UNC13B: variants seen among roughly 807,000 people sequenced by gnomAD.
UNC13B encodes protein unc-13 homolog B.
UNC13B carries 144 observed loss-of-function variants against 211.0 expected under a neutral mutation model. That is an observed-to-expected ratio of 0.68 (90% CI 0.60 to 0.78). The LOEUF (loss-of-function observed/expected upper bound fraction) is 0.78. UNC13B is among the 30% of genes least tolerant of loss of function. UNC13B has a pLI of 0.00. For synonymous variants in UNC13B, 709 were observed against 725.8 expected, an observed-to-expected ratio of 0.98 and a Z score of 0.37; for missense variants, 1,777 against 2,002.0, an observed-to-expected ratio of 0.89 and a Z score of 2.14.
At chr9:35,352,622 C>CA in intron 11 of UNC13B, 1 of 1,232,092 alleles carries the variant, frequency 8.1e-7, no homozygotes, top group Non-Finnish European at 1.0e-6. Flanking sequence ...ACAGAGAGAG[C>CA]ACCAGGCCCC....
At chr9:35,251,026 G>A (rs573193593) in intron 6 of UNC13B, among the ~76,000 whole-genome samples, 2 of 137,650 alleles carry the variant, frequency 1.5e-5, no homozygotes, top group East Asian at 2.3e-4. Flanking sequence ...GCAGTGGCGC[G>A]ATCTCTGCTC....
intron 1 of UNC13B, among the ~76,000 whole-genome samples, chr9:35,178,504 A>G (rs566019239): frequency 2.0e-5 from 3 of 151,864 alleles, no homozygotes; most frequent in Non-Finnish European, 4.4e-5. Context: ...TCAAAAAAAA[A>G]AAGAACAAAC....
intron 7 of UNC13B, chr9:35,291,159 T>A: frequency 6.7e-7 from 1 of 1,500,120 alleles, no homozygotes; most frequent in Non-Finnish European, 9.1e-7. Flanking sequence ...ACAAAGTACA[T>A]ACTCCCTCTG....
rs1829895772 is a variant in UNC13B at position 35,305,793 on chromosome 9, C to T, written c.6389C>T (p.Ser2130Leu). ...ISFDTLSKRNSNEQDHFSDKD... is the reference protein window; with the variant it reads ...ISFDTLSKRNLNEQDHFSDKD... ...TTTGATACCCTGAGCAAGAGAAATT[C>T]AAATGAACAAGATCATTTTTCTGAC... Residue 2130 changes from serine to leucine, a missense_variant, in exon 9 of 40, where the codon TCA becomes TTA. By Grantham distance (145) the Ser-to-Leu change is moderately radical. Transcript: ENST00000635942. 5.0e-6 allele frequency: 2 copies of T among 398,830 alleles called. No individual in the cohort carries two copies. Among genetic ancestry groups the T allele is most frequent in the South Asian group, 2.5e-4 (2 of 7,854 alleles). 24.7% of individuals were successfully genotyped at this position (398,830 alleles called of 1,614,324 possible).
chr9:35,258,860 G>A (rs1827090981), intron 6 of UNC13B, 133 bp from the exon 7 acceptor site: 1 of 756,096 alleles, frequency 1.3e-6, no homozygotes, highest in Admixed American at 2.7e-5. Context: ...GGAGCAGGAT[G>A]TTCTGTTTCT....
At chr9:35,343,085 AAG>A in intron 11 of UNC13B, among the ~76,000 whole-genome samples, 1 of 152,380 alleles carries the variant, frequency 6.6e-6, no homozygotes, top group East Asian at 1.9e-4. Context: ...TGTATGAAGA[AAG>A]AGCACTAACT....
chr9:35,358,566 T>C (rs1833184907), intron 11 of UNC13B, among the ~76,000 whole-genome samples: 1 of 152,172 alleles, frequency 6.6e-6, no homozygotes, highest in South Asian at 2.1e-4. Flanking sequence ...ATCCATTTTT[T>C]TCTTGTTTTG....
intron 1 of UNC13B, among the ~76,000 whole-genome samples, chr9:35,189,003 C>T (rs570542474): frequency 5.3e-5 from 8 of 152,212 alleles, no homozygotes; most frequent in Non-Finnish European, 8.8e-5. Context: ...ATGAGAAGAC[C>T]GTATAATGCC....
At position 35,281,509 on chromosome 9, in the gene UNC13B, A is replaced by G. The variant is rs983147083; in HGVS notation, c.527-14187A>G. On this transcript the variant is annotated intron_variant, in intron 7 of 39. Transcript: ENST00000635942. The stretch of plus-strand genomic sequence containing the variant: ...ATAAGTAGTACCATTTGATAAGTGA[A>G]TGGGAACGTAAGTACTTGATATTCA... Among the ~76,000 whole-genome samples, 9 of 152,232 alleles carry G rather than the reference A, an allele frequency of 5.9e-5. No individual in the cohort carries two copies. In the East Asian group the frequency reaches 1.7e-3, roughly 29 times the overall value.
chr9:35,253,289 A>G (rs935653617), intron 6 of UNC13B, among the ~76,000 whole-genome samples: 5 of 152,128 alleles, frequency 3.3e-5, no homozygotes, highest in African/African-American at 1.2e-4. Context: ...CTACAGGCAC[A>G]CATCACCGCA....
intron 1 of UNC13B, among the ~76,000 whole-genome samples, chr9:35,219,613 T>C (rs1194146850): frequency 2.1e-5 from 3 of 140,558 alleles, no homozygotes; most frequent in Non-Finnish European, 3.0e-5. Flanking sequence ...CAAGACCCTG[T>C]GTCCAAAAAA....
chr9:35,378,538 A>G, intron 17 of UNC13B, 102 bp downstream of exon 17: 1 of 1,488,166 alleles, frequency 6.7e-7, no homozygotes, highest in Middle Eastern at 1.8e-4. Flanking sequence ...GGGCAAAGGC[A>G]GGGGAGAAAA....
chr9:35,170,904 G>A (rs1821301437), intron 1 of UNC13B, among the ~76,000 whole-genome samples: 1 of 152,046 alleles, frequency 6.6e-6, no homozygotes, highest in African/African-American at 2.4e-5. Context: ...ATCTTGCCAA[G>A]CTCAGGTGAT....
chr9:35,351,446 C>T, intron 11 of UNC13B: 5 of 1,231,270 alleles, frequency 4.1e-6, no homozygotes, highest in Non-Finnish European at 5.1e-6. Flanking sequence ...AGGCTGTTGC[C>T]TTCCAAGGTA....
intron 11 of UNC13B, among the ~76,000 whole-genome samples, chr9:35,329,164 T>C (rs7847331): frequency 0.95 from 144,751 of 152,170 alleles, 69,228 homozygotes; most frequent in East Asian, 1. Flanking sequence ...CTGAGTTTGT[T>C]CCCATTCCCA....
Position 35,376,122 on chromosome 9 carries a change from C to A in UNC13B, c.9710C>A (p.Pro3237Gln). 6.2e-7 allele frequency: 1 copy of A among 1,614,272 alleles called. No homozygotes were observed. The highest frequency in any genetic ancestry group is 8.5e-7 in the Non-Finnish European group (1 of 1,180,050). ...HNFEVWTATT[P>Q]TYCYECEGLL... ...TTTGAGGTCTGGACGGCCACTACCCCAACCTACTGCTATGAGTGTGAAGGC... is the reference window on the plus strand; with the variant it reads ...TTTGAGGTCTGGACGGCCACTACCCAAACCTACTGCTATGAGTGTGAAGGC... Residue 3237 changes from proline (P) to glutamine (Q), a missense_variant, in exon 15 of 40, where the codon CCA becomes CAA. By Grantham distance (76) the Pro-to-Gln change is moderately conservative (BLOSUM62 -1). Transcript: ENST00000635942.
chr9:35,317,533 T>C (rs1830522750), intron 11 of UNC13B, among the ~76,000 whole-genome samples: 1 of 149,210 alleles, frequency 6.7e-6, no homozygotes, highest in South Asian at 2.2e-4. Context: ...TTTTTTTTTT[T>C]TTTTTTTAAG....
At chr9:35,170,990 G>A (rs1821304670) in intron 1 of UNC13B, among the ~76,000 whole-genome samples, 1 of 151,952 alleles carries the variant, frequency 6.6e-6, no homozygotes, top group Admixed American at 6.6e-5. Flanking sequence ...TGTATTTTTT[G>A]TAGAGACAGG....
intron 6 of UNC13B, among the ~76,000 whole-genome samples, chr9:35,245,488 TCCCTCCCC>T (rs1482995131): frequency 3.3e-5 from 4 of 122,158 alleles, no homozygotes; most frequent in Admixed American, 1.7e-4. Context: ...CCTAATGCTA[TCCCTCCCC>T]CCCTCCCCCC....
Sources: gnomAD v4.1 joint callset for allele counts (sites outside exome capture counted in the v4.1 genomes callset) on GRCh38, gnomAD v4.1.1 for gene constraint, MANE v1.5 for transcripts, NCBI Gene and HGNC (gene_info 2026-07-23, HGNC 2026-07-21) for gene names.